Variants in AUTS2 observed in about 807,000 individuals in gnomAD.
AUTS2 encodes the protein activator of transcription and developmental regulator AUTS2.
A neutral mutation model predicts 112.4 loss-of-function variants in AUTS2; 17 were observed. That is an observed-to-expected ratio of 0.15 (90% confidence interval 0.10 to 0.23). AUTS2 has a LOEUF of 0.23. AUTS2 is among the 10% of genes least tolerant of loss of function. The pLI is 1.00. For missense variants in AUTS2, 1,510 were observed against 1,701.6 expected, an observed-to-expected ratio of 0.89 and a Z score of 1.98; for synonymous variants, 751 against 702.7, an observed-to-expected ratio of 1.07 and a Z score of -1.09.
At chr7:70,729,008 G>A in intron 6 of AUTS2, 1 of 351,168 alleles carries the variant, frequency 2.8e-6, no homozygotes, top group South Asian at 2.2e-5. Context: ...GGAAACCCAG[G>A]CACCACCTCC....
chr7:70,612,278 T>TA (rs1804133076), intron 5 of AUTS2, among the ~76,000 whole-genome samples: 1 of 152,334 alleles, frequency 6.6e-6, no homozygotes, highest in African/African-American at 2.4e-5. Context: ...AATTTTTTTT[T>TA]AGTTAATGCA....
At chr7:70,342,021 A>G (rs1308716342) in intron 4 of AUTS2, among the ~76,000 whole-genome samples, 1 of 152,250 alleles carries the variant, frequency 6.6e-6, no homozygotes, top group Non-Finnish European at 1.5e-5. Flanking sequence ...ACTGCACATT[A>G]GAATCAAATG....
chr7:70,404,452 C>T (rs745727095), intron 4 of AUTS2, among the ~76,000 whole-genome samples: 2 of 152,168 alleles, frequency 1.3e-5, no homozygotes, highest in East Asian at 3.9e-4. Context: ...TTGTCCACTC[C>T]GTCTCCTCCA....
chr7:70,695,798 C>A (rs1332791304), intron 5 of AUTS2, among the ~76,000 whole-genome samples: 1 of 152,304 alleles, frequency 6.6e-6, no homozygotes, highest in East Asian at 1.9e-4. Flanking sequence ...AAAACATATT[C>A]CCCCTTCCCT....
intron 1 of AUTS2, among the ~76,000 whole-genome samples, chr7:69,666,918 C>G (rs145341151): frequency 6.6e-6 from 1 of 152,050 alleles, no homozygotes; most frequent in Non-Finnish European, 1.5e-5. Context: ...CAAAACAAAA[C>G]AAAATACAGT....
intron 1 of AUTS2, among the ~76,000 whole-genome samples, chr7:69,767,321 C>T (rs1036573348): frequency 9.3e-5 from 14 of 151,096 alleles, no homozygotes; most frequent in African/African-American, 3.4e-4. Context: ...GGACTATAGG[C>T]ACACACAACC....
At chr7:70,068,463 C>T (rs1399742451) in intron 2 of AUTS2, among the ~76,000 whole-genome samples, 2 of 151,892 alleles carry the variant, frequency 1.3e-5, no homozygotes, top group Non-Finnish European at 2.9e-5. Flanking sequence ...AGATTACAGG[C>T]GTGAGCCACT....
rs566749482 is a variant in AUTS2, at chr7:70,359,287, G to GT, written c.661-76463dup. On this transcript the variant is annotated intron_variant, in intron 4 of 18. Coordinates refer to ENST00000342771, the MANE Select transcript of AUTS2 (RefSeq NM_015570.4). ...GAATGACGATAATTGCGTTGTTGTTGTTAGTATTCCTAATGTCCAAAGGGT... is the reference window on the plus strand; with the variant it reads ...GAATGACGATAATTGCGTTGTTGTTGTTTAGTATTCCTAATGTCCAAAGGGT... Among the ~76,000 whole-genome samples the GT allele has an allele frequency of 5.9e-5, 9 of 152,292 alleles. No individual in the cohort carries two copies. In the East Asian group the frequency reaches 1.7e-3, roughly 29 times the overall value.
intron 1 of AUTS2, among the ~76,000 whole-genome samples, chr7:69,818,138 C>G (rs1790840217): frequency 6.6e-6 from 1 of 152,168 alleles, no homozygotes; most frequent in Non-Finnish European, 1.5e-5. Context: ...TTCCTTTTCT[C>G]CATTGATGAC....
chr7:70,787,244 A>G lies in AUTS2; in HGVS notation c.2344A>G (p.Ser782Gly), dbSNP rs1267112202. 1 of 1,614,220 alleles carries G rather than the reference A, an allele frequency of 6.2e-7. No homozygotes were observed. Residue 782 changes from serine to glycine, a missense_variant, in exon 18 of 19, where the codon AGT becomes GGT. Coordinates refer to ENST00000342771, the MANE Select transcript of AUTS2 (RefSeq NM_015570.4). ...AATGTTCGGCCACAAGGATGGCCCC[A>G]GTGTGCAGAACTTTAGCAACCCTCA... Reference protein sequence around the residue: ...NSMFGHKDGPSVQNFSNPHEP... With the variant: ...NSMFGHKDGPGVQNFSNPHEP...
chr7:70,547,064 A>C (rs1800818424), intron 5 of AUTS2, among the ~76,000 whole-genome samples: 1 of 152,106 alleles, frequency 6.6e-6, no homozygotes, highest in South Asian at 2.1e-4. Context: ...TTTTTTAGTA[A>C]ATTTATAGCG....
rs747223616 is a variant in AUTS2, at chr7:70,044,558, GA to G, written c.523-73568del. On this transcript the variant is annotated intron_variant, in intron 2 of 18. Coordinates refer to ENST00000342771, the MANE Select transcript of AUTS2 (RefSeq NM_015570.4). Reference sequence around the variant, plus strand: ...ATGTTATTCCTACTCTTAAGTGGGAGAAAAAATCTCAAATTAATTTTTACAT... The same window carrying G: ...ATGTTATTCCTACTCTTAAGTGGGAGAAAAATCTCAAATTAATTTTTACAT... Among the ~76,000 whole-genome samples, 24 of 152,270 alleles carry G rather than the reference GA, an allele frequency of 1.6e-4. 1 individual carries two copies. The highest frequency in any genetic ancestry group is 1.3e-3 in the Admixed American group (20 of 15,294).
At chr7:69,675,905 G>C (rs1796543249) in intron 1 of AUTS2, among the ~76,000 whole-genome samples, 1 of 152,066 alleles carries the variant, frequency 6.6e-6, no homozygotes, top group African/African-American at 2.4e-5. Flanking sequence ...TCGCAGACCG[G>C]GAAACTAAGT....
At chr7:70,009,457 A>G (rs1483079059) in intron 2 of AUTS2, among the ~76,000 whole-genome samples, 1 of 152,204 alleles carries the variant, frequency 6.6e-6, no homozygotes, top group African/African-American at 2.4e-5. Flanking sequence ...ACTACAAATA[A>G]TATTGGTTAA....
chr7:69,762,049 C>T (rs767956962), intron 1 of AUTS2, among the ~76,000 whole-genome samples: 12 of 152,056 alleles, frequency 7.9e-5, no homozygotes, highest in Admixed American at 3.9e-4. Flanking sequence ...TCCTAGTGGA[C>T]TATAAATTAC....
intron 2 of AUTS2, among the ~76,000 whole-genome samples, chr7:70,096,599 TAAAAAAAAAA>T (rs374942971): frequency 8.3e-5 from 7 of 84,704 alleles, no homozygotes; most frequent in Non-Finnish European, 1.7e-4. Flanking sequence ...AACTCCATCT[TAAAAAAAAAA>T]AAAAAAAGAA....
intron 1 of AUTS2, among the ~76,000 whole-genome samples, chr7:69,602,020 G>GTATATATA (rs1173266676): frequency 2.3e-3 from 154 of 68,016 alleles, no homozygotes; most frequent in Admixed American, 2.5e-3. Context: ...ATGTGTGTGT[G>GTATATATA]TATATATATA....
chr7:70,789,387 C>T (rs893580970), intron 18 of AUTS2, among the ~76,000 whole-genome samples: 1 of 152,192 alleles, frequency 6.6e-6, no homozygotes, highest in African/African-American at 2.4e-5. Flanking sequence ...TCCAGACAGT[C>T]GGGCTGGATT....
Position 69,607,944 on chromosome 7 carries a change from G to GT in AUTS2, c.309+7989dup, listed in dbSNP as rs761509809. Reference sequence around the variant, plus strand: ...TCTGATATTTTCTTTCTTTTATTTTGTTTTTTTGAGACAGTGTCTTTCTTT... The same window carrying GT: ...TCTGATATTTTCTTTCTTTTATTTTGTTTTTTTTGAGACAGTGTCTTTCTTT... On this transcript the variant is annotated intron_variant, in intron 1 of 18. Coordinates refer to ENST00000342771, the MANE Select transcript of AUTS2 (RefSeq NM_015570.4). Among the ~76,000 whole-genome samples, 43 of 152,070 alleles carry GT rather than the reference G, an allele frequency of 2.8e-4. 1 individual carries two copies. Among genetic ancestry groups the GT allele is most frequent in the South Asian group, 4.2e-4 (2 of 4,808 alleles).
Sources: allele counts gnomAD v4.1 joint callset (sites outside exome capture counted in the v4.1 genomes callset), GRCh38; gene constraint gnomAD v4.1.1; transcripts MANE v1.5; gene names NCBI Gene and HGNC (gene_info 2026-07-23, HGNC 2026-07-21).